Variants in CNTN5 observed in about 807,000 individuals in gnomAD.
CNTN5 encodes the protein contactin 5.
In CNTN5, 77 loss-of-function variants were observed where a neutral mutation model predicts 129.1. That is an observed-to-expected ratio of 0.60 (90% CI 0.50 to 0.72). The LOEUF (loss-of-function observed/expected upper bound fraction) is 0.72, where lower values mean the gene tolerates loss of function less well. Among genes scored for constraint, CNTN5 ranks in the 30% least tolerant of loss-of-function variants. The pLI is 0.00. For synonymous variants in CNTN5, 509 were observed against 465.6 expected (o/e 1.09, Z -1.20); for missense variants, 1,478 against 1,328.8 (o/e 1.11, Z -1.75).
At chr11:99,959,589 A>C (rs1950888751) in intron 8 of CNTN5, among the ~76,000 whole-genome samples, 1 of 152,168 alleles carries the variant, frequency 6.6e-6, no homozygotes, top group South Asian at 2.1e-4. Context: ...AGGTCACTAA[A>C]CTAATACTGT....
intron 13 of CNTN5, among the ~76,000 whole-genome samples, chr11:100,170,229 C>G (rs536792595): frequency 1.3e-5 from 2 of 152,034 alleles, no homozygotes; most frequent in East Asian, 3.9e-4. Context: ...ATTATTCAGA[C>G]AGATTAAATG....
chr11:99,123,654 GTTTT>G (rs35040329), intron 1 of CNTN5, among the ~76,000 whole-genome samples: 671 of 141,200 alleles, frequency 4.8e-3, no homozygotes, highest in African/African-American at 0.014. Flanking sequence ...ATCTTCCAGG[GTTTT>G]TTTTTTTTTT....
chr11:99,811,108 G>A (rs1946416070), intron 3 of CNTN5, among the ~76,000 whole-genome samples: 1 of 152,078 alleles, frequency 6.6e-6, no homozygotes, highest in South Asian at 2.1e-4. Context: ...TTCATGACTT[G>A]TGGGTGTTGC....
At chr11:100,049,400 TA>T (rs551903323) in intron 9 of CNTN5, among the ~76,000 whole-genome samples, 25 of 151,880 alleles carry the variant, frequency 1.6e-4, no homozygotes, top group Admixed American at 5.2e-4. Flanking sequence ...TAAACTAGTA[TA>T]AGACTAAAAT....
At chr11:99,235,339 C>A (rs1861210916) in intron 1 of CNTN5, among the ~76,000 whole-genome samples, 1 of 151,968 alleles carries the variant, frequency 6.6e-6, no homozygotes, top group African/African-American at 2.4e-5. Context: ...AAACATTATA[C>A]TTTATCCTTA....
At chr11:99,476,237 T>C (rs1945367491) in intron 2 of CNTN5, among the ~76,000 whole-genome samples, 1 of 152,122 alleles carries the variant, frequency 6.6e-6, no homozygotes, top group Non-Finnish European at 1.5e-5. Flanking sequence ...CACTTGAGGC[T>C]AAAAATCATA....
intron 3 of CNTN5, among the ~76,000 whole-genome samples, chr11:99,563,658 A>G (rs573284593): frequency 9.9e-5 from 15 of 152,256 alleles, no homozygotes; most frequent in Admixed American, 2.6e-4. Context: ...AGTACCCATG[A>G]CGCACTTGAT....
intron 2 of CNTN5, among the ~76,000 whole-genome samples, chr11:99,378,479 C>T (rs2134943): frequency 1 from 152,074 of 152,178 alleles, 75,985 homozygotes; most frequent in Non-Finnish European, 1. Context: ...ATCTCTTATA[C>T]AGGAAAGGCA....
At chr11:100,086,587 G>T (rs1944567610) in intron 13 of CNTN5, among the ~76,000 whole-genome samples, 1 of 150,838 alleles carries the variant, frequency 6.6e-6, no homozygotes, top group African/African-American at 2.4e-5. Context: ...TGAGATAATA[G>T]AAAGCATAAA....
chr11:99,846,162 G>A (rs370807918), intron 6 of CNTN5, among the ~76,000 whole-genome samples: 10 of 64,190 alleles, frequency 1.6e-4, no homozygotes, highest in South Asian at 8.2e-4. Flanking sequence ...ACACACACAC[G>A]AATATAAACA....
intron 6 of CNTN5, among the ~76,000 whole-genome samples, chr11:99,885,977 A>G (rs1948891758): frequency 6.6e-6 from 1 of 152,146 alleles, no homozygotes; most frequent in Non-Finnish European, 1.5e-5. Context: ...ATACTAATCC[A>G]TTTTTATTGT....
At position 100,323,038 on chromosome 11, in the gene CNTN5, C is replaced by A. The variant is rs149867228; in HGVS notation, c.2730+14570C>A. On this transcript the variant is annotated intron_variant, in intron 21 of 24. Coordinates refer to ENST00000524871, the MANE Select transcript of CNTN5 (RefSeq NM_014361.4). ...TCACAGAACATATCTCATTAAAAATCTCTAAAGTATATGCTTTTTAAAAAT... is the reference window on the plus strand; with the variant it reads ...TCACAGAACATATCTCATTAAAAATATCTAAAGTATATGCTTTTTAAAAAT... Among the ~76,000 whole-genome samples the A allele has an allele frequency of 6.0e-3, 908 of 152,294 alleles. 2 individuals are homozygous for A. The highest frequency in any genetic ancestry group is 0.01 in the Middle Eastern group (3 of 294).
Position 100,129,830 on chromosome 11 carries a change from T to C in CNTN5, c.1580+55536T>C, listed in dbSNP as rs1257043816. Among the ~76,000 whole-genome samples the C allele has an allele frequency of 4.7e-5, 7 of 147,876 alleles. No individual in the cohort carries two copies. The East Asian group carries it at 7.9e-4, about 17-fold the overall frequency. Reference sequence around the variant, plus strand: ...AAAACGAGAATCTCATATATATTTGTGTGTGTGTTTGTGTGTGTGTGTGTG... The same window carrying C: ...AAAACGAGAATCTCATATATATTTGCGTGTGTGTTTGTGTGTGTGTGTGTG... On this transcript the variant is annotated intron_variant, in intron 13 of 24. Coordinates refer to ENST00000524871, the MANE Select transcript of CNTN5 (RefSeq NM_014361.4).
intron 3 of CNTN5, among the ~76,000 whole-genome samples, chr11:99,629,636 T>C (rs1271560967): frequency 1.3e-5 from 2 of 150,410 alleles, no homozygotes. Flanking sequence ...ATCAAAAAAT[T>C]AACAATTGAT....
chr11:100,055,931 T>TAC (rs901876117), intron 9 of CNTN5, among the ~76,000 whole-genome samples: 1 of 151,558 alleles, frequency 6.6e-6, no homozygotes, highest in African/African-American at 2.4e-5. Context: ...AGCTTTATAC[T>TAC]ACATGTCTAC....
intron 3 of CNTN5, among the ~76,000 whole-genome samples, chr11:99,746,444 C>T (rs73552054): frequency 0.012 from 1,816 of 152,256 alleles, 43 homozygotes; most frequent in African/African-American, 0.042. Context: ...GGGTCCTCCA[C>T]CCCCAGTCAC....
chr11:99,432,231 T>A (rs1193280711), intron 2 of CNTN5, among the ~76,000 whole-genome samples: 1 of 152,170 alleles, frequency 6.6e-6, no homozygotes, highest in Admixed American at 6.6e-5. Flanking sequence ...AACTGAAAAC[T>A]ACATGTGTCA....
chr11:99,356,193 C>T (rs1264411508), intron 2 of CNTN5, among the ~76,000 whole-genome samples: 3 of 152,042 alleles, frequency 2.0e-5, no homozygotes, highest in Non-Finnish European at 4.4e-5. Context: ...TAACCACCCC[C>T]CCCCAACCAA....
intron 13 of CNTN5, among the ~76,000 whole-genome samples, chr11:100,116,052 A>T (rs139853498): frequency 2.3e-4 from 35 of 152,114 alleles, no homozygotes; most frequent in Admixed American, 1.5e-3. Flanking sequence ...CTGCCTTTCC[A>T]TTCTTCTAGT....
Sources: gnomAD v4.1 joint callset for allele counts (sites outside exome capture counted in the v4.1 genomes callset) on GRCh38, gnomAD v4.1.1 for gene constraint, MANE v1.5 for transcripts, NCBI Gene and HGNC (gene_info 2026-07-23, HGNC 2026-07-21) for gene names.